The following PTPRM variants were observed in gnomAD, a reference collection of about 807,000 sequenced individuals.
PTPRM encodes the protein receptor-type tyrosine-protein phosphatase mu.
In PTPRM, 47 loss-of-function variants were observed where a neutral mutation model predicts 186.7. The ratio of observed to expected loss-of-function variants is 0.25; its 90% confidence interval spans 0.20 to 0.32. The LOEUF is 0.32. PTPRM is among the 10% of genes least tolerant of loss of function. The pLI, the probability that PTPRM is intolerant of heterozygous loss-of-function variation, is 1.00. For missense variants in PTPRM, 1,494 were observed against 1,865.0 expected, an observed-to-expected ratio of 0.80 and a Z score of 3.66; for synonymous variants, 668 against 674.9, an observed-to-expected ratio of 0.99 and a Z score of 0.16.
chr18:7,789,619 C>T (rs550892233), intron 2 of PTPRM, among the ~76,000 whole-genome samples: 121 of 152,212 alleles, frequency 7.9e-4, no homozygotes, highest in Non-Finnish European at 1.4e-3. Flanking sequence ...AGGCTGAAAA[C>T]GCTAAGATTT....
chr18:8,286,141 C>G (rs527431020), intron 19 of PTPRM, among the ~76,000 whole-genome samples: 1 of 152,314 alleles, frequency 6.6e-6, no homozygotes, highest in Non-Finnish European at 1.5e-5. Context: ...GGAAAGACCT[C>G]GTGAGTTGCT....
chr18:7,577,201 C>A (rs1431768783), intron 1 of PTPRM, among the ~76,000 whole-genome samples: 1 of 151,920 alleles, frequency 6.6e-6, no homozygotes, highest in Admixed American at 6.6e-5. Flanking sequence ...TATAGAGACA[C>A]AGTTGCTAAA....
At chr18:8,039,123 G>A (rs371330335) in intron 7 of PTPRM, among the ~76,000 whole-genome samples, 1 of 152,008 alleles carries the variant, frequency 6.6e-6, no homozygotes, top group East Asian at 1.9e-4. Flanking sequence ...TTATTATCTA[G>A]AAACCAGCCT....
chr18:7,628,478 G>T (rs888648329), intron 1 of PTPRM, among the ~76,000 whole-genome samples: 2 of 152,208 alleles, frequency 1.3e-5, no homozygotes, highest in East Asian at 3.9e-4. Context: ...ATTGTAAATC[G>T]TTTGTCTTTT....
intron 7 of PTPRM, among the ~76,000 whole-genome samples, chr18:8,053,268 T>A (rs893225215): frequency 6.6e-6 from 1 of 152,220 alleles, no homozygotes; most frequent in Admixed American, 6.5e-5. Context: ...TAGCATAAAT[T>A]ATCAAGCTTT....
chr18:8,042,281 C>A (rs1429732700), intron 7 of PTPRM, among the ~76,000 whole-genome samples: 1 of 152,048 alleles, frequency 6.6e-6, no homozygotes, highest in African/African-American at 2.4e-5. Flanking sequence ...TAGCAGTTGG[C>A]TTTAGTTCAG....
intron 5 of PTPRM, chr18:7,947,071 C>T: frequency 2.2e-6 from 1 of 452,544 alleles, no homozygotes. Flanking sequence ...TTCTGTGCTT[C>T]AGGATTAGCA....
intron 7 of PTPRM, among the ~76,000 whole-genome samples, chr18:7,966,635 C>T (rs577149483): frequency 1.3e-5 from 2 of 148,716 alleles, no homozygotes; most frequent in South Asian, 2.2e-4. Flanking sequence ...GAGGCATTGC[C>T]TCACCTGGGA....
At position 7,949,244 on chromosome 18, in the gene PTPRM, G is replaced by C; in HGVS notation, c.727G>C (p.Ala243Pro). The C allele has an allele frequency of 6.2e-7, 1 of 1,612,344 alleles. No homozygotes were observed. The highest frequency in any genetic ancestry group is 8.5e-7 in the Non-Finnish European group (1 of 1,178,362). Residue 243 changes from alanine (A) to proline (P), a missense_variant, in exon 6 of 33, where the codon GCT becomes CCT. Ala to Pro is a conservative substitution (Grantham distance 27, BLOSUM62 -1). This residue lies in a region of PTPRM where 296 missense variants were observed against 345.5 expected (regional missense o/e 0.86). Transcript: ENST00000580170. ...GGTGACCAGCTCCCGACGCTTCATT[G>C]CTTCATTTAATGTTGTGAATACCAC... ...IKVTSSRRFI[A>P]SFNVVNTTKR...
intron 14 of PTPRM, among the ~76,000 whole-genome samples, chr18:8,161,079 C>CT (rs1412235073): frequency 3.3e-5 from 5 of 152,068 alleles, no homozygotes; most frequent in Non-Finnish European, 5.9e-5. Flanking sequence ...TTAGGTTTAA[C>CT]TTTTATTAAA....
chr18:8,038,334 C>G (rs561269051), intron 7 of PTPRM, among the ~76,000 whole-genome samples: 1 of 151,450 alleles, frequency 6.6e-6, no homozygotes, highest in African/African-American at 2.4e-5. Context: ...TTTAAAAACC[C>G]AGCTTTCTGG....
At chr18:7,833,748 ACAAC>A (rs1567887994) in intron 2 of PTPRM, among the ~76,000 whole-genome samples, 7 of 22,838 alleles carry the variant, frequency 3.1e-4, no homozygotes, top group African/African-American at 9.0e-4. Flanking sequence ...AAGAAAAACA[ACAAC>A]AACAACAACA....
chr18:8,110,933 C>A (rs919095222), intron 11 of PTPRM, among the ~76,000 whole-genome samples: 2 of 152,192 alleles, frequency 1.3e-5, no homozygotes, highest in Non-Finnish European at 2.9e-5. Context: ...AAATTCCCTT[C>A]AGGCCAGATG....
chr18:8,387,287 C>G, intron 31 of PTPRM, 52 bp downstream of exon 31: 1 of 1,523,866 alleles, frequency 6.6e-7, no homozygotes, highest in Non-Finnish European at 9.0e-7. Flanking sequence ...CCCACACTCA[C>G]TCTCACCTCC....
intron 1 of PTPRM, among the ~76,000 whole-genome samples, chr18:7,654,296 C>T (rs895767367): frequency 6.6e-6 from 1 of 152,044 alleles, no homozygotes; most frequent in Non-Finnish European, 1.5e-5. Flanking sequence ...TAGTTTCTTG[C>T]TGTACAGAAG....
At chr18:7,875,244 C>A (rs2048180510) in intron 2 of PTPRM, among the ~76,000 whole-genome samples, 1 of 151,758 alleles carries the variant, frequency 6.6e-6, no homozygotes, top group African/African-American at 2.4e-5. Context: ...TGACATATCC[C>A]ACAGTGGGTA....
chr18:8,182,193 A>T (rs965542005), intron 14 of PTPRM, among the ~76,000 whole-genome samples: 1 of 152,216 alleles, frequency 6.6e-6, no homozygotes, highest in East Asian at 1.9e-4. Context: ...ATGGTCCTGA[A>T]TGTTTATTTT....
intron 19 of PTPRM, among the ~76,000 whole-genome samples, chr18:8,287,390 G>A (rs896381773): frequency 6.6e-6 from 1 of 152,178 alleles, no homozygotes; most frequent in Non-Finnish European, 1.5e-5. Flanking sequence ...GGTGTCAGGA[G>A]GGAGACTTGC....
At chr18:8,240,679 AAAAG>A (rs1401661423) in intron 14 of PTPRM, among the ~76,000 whole-genome samples, 3 of 93,076 alleles carry the variant, frequency 3.2e-5, no homozygotes, top group African/African-American at 4.7e-5. Context: ...GAAAGAAAGA[AAAAG>A]AAAGAGAGAA....
Sources: allele counts gnomAD v4.1 joint callset (sites outside exome capture counted in the v4.1 genomes callset), GRCh38; gene constraint gnomAD v4.1.1; regional missense constraint gnomAD v4.1.1; transcripts MANE v1.5; gene names NCBI Gene and HGNC (gene_info 2026-07-23, HGNC 2026-07-21).